Variants in EPHA5 observed in about 807,000 individuals in gnomAD.
EPHA5 encodes ephrin type-A receptor 5.
In EPHA5, 60 loss-of-function variants were observed where a neutral mutation model predicts 105.0. The ratio of observed to expected loss-of-function variants is 0.57; its 90% CI spans 0.46 to 0.71. The LOEUF (loss-of-function observed/expected upper bound fraction) is 0.71. EPHA5 is among the 30% of genes least tolerant of loss of function. The pLI, the probability that EPHA5 is intolerant of heterozygous loss-of-function variation, is 0.00. For synonymous variants in EPHA5, 513 were observed against 449.1 expected (o/e 1.14, Z -1.80); for missense variants, 1,218 against 1,274.7 (o/e 0.96, Z 0.68).
At chr4:65,480,771 C>T (rs939190914) in intron 5 of EPHA5, among the ~76,000 whole-genome samples, 2 of 152,086 alleles carry the variant, frequency 1.3e-5, no homozygotes, top group Non-Finnish European at 2.9e-5. Flanking sequence ...TGAATCTATT[C>T]TCAATGAGTC....
At chr4:65,543,502 A>T (rs1219014993) in intron 3 of EPHA5, among the ~76,000 whole-genome samples, 2 of 152,070 alleles carry the variant, frequency 1.3e-5, no homozygotes, top group Non-Finnish European at 2.9e-5. Flanking sequence ...AATACTTAGG[A>T]ATACAGCTAA....
At chr4:65,538,043 GGAAGGAA>G (rs1440676618) in intron 3 of EPHA5, among the ~76,000 whole-genome samples, 1 of 151,634 alleles carries the variant, frequency 6.6e-6, no homozygotes, top group Non-Finnish European at 1.5e-5. Context: ...ATTCCCTAAA[GGAAGGAA>G]GATGTATTTG....
chr4:65,614,494 C>T (rs921803452), intron 2 of EPHA5, among the ~76,000 whole-genome samples: 1 of 151,754 alleles, frequency 6.6e-6, no homozygotes, highest in African/African-American at 2.4e-5. Context: ...TCCCTGACCT[C>T]CCTTTATTAT....
chr4:65,402,834 C>T (rs1413426100), intron 8 of EPHA5, among the ~76,000 whole-genome samples: 1 of 152,084 alleles, frequency 6.6e-6, no homozygotes, highest in East Asian at 1.9e-4. Flanking sequence ...GTTCTTGCAA[C>T]TTGATTATAC....
At chr4:65,416,368 T>C (rs1205959001) in intron 6 of EPHA5, among the ~76,000 whole-genome samples, 3 of 152,030 alleles carry the variant, frequency 2.0e-5, no homozygotes, top group Non-Finnish European at 4.4e-5. Context: ...ACCAAGAATA[T>C]TGGAAGGAGA....
At chr4:65,566,670 C>T (rs1320085748) in intron 3 of EPHA5, among the ~76,000 whole-genome samples, 1 of 151,726 alleles carries the variant, frequency 6.6e-6, no homozygotes, top group African/African-American at 2.4e-5. Context: ...TGGTTAGAAA[C>T]ATCTGCTGGT....
chr4:65,522,532 A>C (rs1398204477), intron 3 of EPHA5, among the ~76,000 whole-genome samples: 1 of 151,946 alleles, frequency 6.6e-6, no homozygotes, highest in East Asian at 1.9e-4. Flanking sequence ...GTGATTGCTT[A>C]TTAACATATA....
intron 5 of EPHA5, among the ~76,000 whole-genome samples, chr4:65,443,211 G>A (rs1383651094): frequency 6.6e-6 from 1 of 151,798 alleles, no homozygotes; most frequent in African/African-American, 2.4e-5. Context: ...AGATGTTTCT[G>A]CTTTTCATTA....
chr4:65,544,355 A>G lies in EPHA5; in HGVS notation c.911-48812T>C, dbSNP rs564022117. Among the ~76,000 whole-genome samples, 4 of 152,262 alleles carry G rather than the reference A, an allele frequency of 2.6e-5. No homozygotes were observed. The South Asian group carries it at 8.3e-4, about 32-fold the overall frequency. On this transcript the variant is annotated intron_variant, in intron 3 of 16. Transcript: ENST00000613740. The stretch of plus-strand genomic sequence containing the variant: ...GACAAAGGTCTAATATCCAGGATTT[A>G]AAAGGAACTTAAACAAATTTACAAG...
chr4:65,550,197 C>T (rs913064682), intron 3 of EPHA5, among the ~76,000 whole-genome samples: 22 of 151,354 alleles, frequency 1.5e-4, no homozygotes, highest in African/African-American at 4.4e-4. Flanking sequence ...GAAAAAGAAA[C>T]AATAAAATTA....
intron 5 of EPHA5, among the ~76,000 whole-genome samples, chr4:65,437,325 G>C (rs1389843474): frequency 6.6e-6 from 1 of 151,930 alleles, no homozygotes; most frequent in African/African-American, 2.4e-5. Flanking sequence ...ATTGTACTTA[G>C]TGGCTATTGT....
intron 14 of EPHA5, among the ~76,000 whole-genome samples, chr4:65,347,435 A>G (rs1722328921): frequency 6.6e-6 from 1 of 152,194 alleles, no homozygotes; most frequent in Non-Finnish European, 1.5e-5. Flanking sequence ...TTAAAGAGCC[A>G]TGTGTCAGGC....
intron 3 of EPHA5, among the ~76,000 whole-genome samples, chr4:65,514,305 C>T (rs1733900455): frequency 6.6e-6 from 1 of 152,184 alleles, no homozygotes; most frequent in South Asian, 2.1e-4. Context: ...TCCCCTGAAT[C>T]TGGCCATGCC....
intron 5 of EPHA5, among the ~76,000 whole-genome samples, chr4:65,479,585 A>G: frequency 6.6e-6 from 1 of 152,216 alleles, no homozygotes; most frequent in East Asian, 1.9e-4. Context: ...AAAACAATTA[A>G]GGAAACATTG....
rs1254725795 is a variant in EPHA5 at position 65,321,696 on chromosome 4, G to C, written c.*2418C>G. ...CCAAATTAATTTATATTCTTCCTTTGTTAAAAAGAGAAAATCTATATTGCA... is the reference window on the plus strand; with the variant it reads ...CCAAATTAATTTATATTCTTCCTTTCTTAAAAAGAGAAAATCTATATTGCA... On this transcript the variant is annotated 3_prime_UTR_variant, in exon 17 of 17. Transcript: ENST00000613740. 4.4e-6 allele frequency: 1 copy of C among 228,360 alleles called. No homozygotes were observed. The highest frequency in any genetic ancestry group is 2.2e-5 in the African/African-American group (1 of 44,994). 14.1% of individuals were successfully genotyped at this position (228,360 alleles called of 1,614,324 possible). A position where few individuals can be genotyped will look rare whatever the true frequency, so the allele number is the denominator to read the frequency against.
intron 8 of EPHA5, among the ~76,000 whole-genome samples, chr4:65,369,901 AG>A (rs1310173931): frequency 1.3e-5 from 2 of 152,142 alleles, no homozygotes; most frequent in East Asian, 3.9e-4. Context: ...CAGGAGCCGG[AG>A]GTTGCAGTGA....
intron 3 of EPHA5, among the ~76,000 whole-genome samples, chr4:65,546,834 G>A (rs990767959): frequency 7.5e-6 from 1 of 133,800 alleles, no homozygotes; most frequent in Non-Finnish European, 1.6e-5. Flanking sequence ...ATCAAAAAAT[G>A]TTATTTTCTA....
chr4:65,522,316 G>GTGTGTGTATATATATATATA lies in EPHA5; in HGVS notation c.911-26774_911-26773insTATATATATATATACACACA, dbSNP rs777066757. 3.5e-3 allele frequency among the ~76,000 whole-genome samples: 501 copies of GTGTGTGTATATATATATATA among 142,864 alleles called. 8 individuals are homozygous for GTGTGTGTATATATATATATA. Among genetic ancestry groups the GTGTGTGTATATATATATATA allele is most frequent in the African/African-American group, 0.013 (476 of 37,362 alleles). 93.7% of individuals were successfully genotyped at this position (142,864 alleles called of 152,430 possible). Reference sequence around the variant, plus strand: ...GAAATATGTGTGTGTATATATATATGTATATATATATATATATAAAATCAA... The same window carrying GTGTGTGTATATATATATATA: ...GAAATATGTGTGTGTATATATATATGTGTGTGTATATATATATATATATATATATATATATATAAAATCAA... On this transcript the variant is annotated intron_variant, in intron 3 of 16. Transcript: ENST00000613740.
Position 65,620,880 on chromosome 4 carries a change from G to T in EPHA5, c.247-18576C>A, listed in dbSNP as rs1348438031. Among the ~76,000 whole-genome samples the T allele has an allele frequency of 2.0e-5, 3 of 152,244 alleles. No homozygotes were observed. In the East Asian group the frequency reaches 5.8e-4, roughly 29 times the overall value. The stretch of plus-strand genomic sequence containing the variant: ...TCCCATATGCTTTTTCCATATGTGA[G>T]AAAAAGTGGAAAACTGCAAGTGGTA... On this transcript the variant is annotated intron_variant, in intron 2 of 16. Transcript: ENST00000613740.
Sources: allele counts gnomAD v4.1 joint callset (sites outside exome capture counted in the v4.1 genomes callset), GRCh38; gene constraint gnomAD v4.1.1; transcripts MANE v1.5; gene names NCBI Gene and HGNC (gene_info 2026-07-23, HGNC 2026-07-21).